PHF21A: variants seen among roughly 807,000 people sequenced by gnomAD.
PHF21A encodes PHD finger protein 21A, also known as BHC80a.
In PHF21A, 11 loss-of-function variants were observed where a neutral mutation model predicts 82.5. That is an observed-to-expected ratio of 0.13 (90% CI 0.08 to 0.22). PHF21A has a LOEUF of 0.22. Ranked by LOEUF, PHF21A falls within the 10% of genes least tolerant of loss-of-function variation. The pLI is 1.00. For missense variants in PHF21A, 579 were observed against 837.8 expected (o/e 0.69, Z 3.81); for synonymous variants, 297 against 302.8 (o/e 0.98, Z 0.20).
intron 1 of PHF21A, among the ~76,000 whole-genome samples, chr11:46,092,936 T>G (rs1429457194): frequency 6.6e-6 from 1 of 152,050 alleles, no homozygotes; most frequent in Non-Finnish European, 1.5e-5. Flanking sequence ...TTTATTTTTT[T>G]GTAGAGTCAG....
chr11:45,975,449 G>A (rs895645160), intron 7 of PHF21A, among the ~76,000 whole-genome samples: 4 of 151,838 alleles, frequency 2.6e-5, no homozygotes, highest in Admixed American at 6.6e-5. Flanking sequence ...TTATTACTAT[G>A]GGATCTAACT....
chr11:46,007,841 C>G (rs180750369), intron 6 of PHF21A, among the ~76,000 whole-genome samples: 1 of 152,086 alleles, frequency 6.6e-6, no homozygotes, highest in Non-Finnish European at 1.5e-5. Context: ...AATTTTAGAA[C>G]AAGGGACTTT....
chr11:46,049,933 T>G (rs1254820747), intron 6 of PHF21A, among the ~76,000 whole-genome samples: 3 of 152,254 alleles, frequency 2.0e-5, no homozygotes. Flanking sequence ...ATTTTAATTT[T>G]GTATATTTGT....
At chr11:46,050,272 T>G (rs7129942) in intron 6 of PHF21A, among the ~76,000 whole-genome samples, 137,371 of 152,326 alleles carry the variant, frequency 0.9, 62,109 homozygotes, top group East Asian at 1. Flanking sequence ...CATTCCAGTG[T>G]CCTTGCTCAC....
At chr11:46,107,199 G>A (rs937815983) in intron 1 of PHF21A, among the ~76,000 whole-genome samples, 2 of 152,148 alleles carry the variant, frequency 1.3e-5, no homozygotes, top group Non-Finnish European at 2.9e-5. Context: ...CACTAGTTTA[G>A]ACTATCATAC....
At chr11:45,959,653 A>G (rs766199955) in intron 10 of PHF21A, among the ~76,000 whole-genome samples, 1 of 152,244 alleles carries the variant, frequency 6.6e-6, no homozygotes, top group Non-Finnish European at 1.5e-5. Context: ...AGAATCCATA[A>G]AACAAATACT....
At chr11:46,027,706 C>T (rs774298482) in intron 6 of PHF21A, among the ~76,000 whole-genome samples, 5 of 152,186 alleles carry the variant, frequency 3.3e-5, no homozygotes, top group Non-Finnish European at 5.9e-5. Flanking sequence ...TATGAGAAGA[C>T]GCCTATTGTT....
chr11:45,978,321 AC>A (rs1335616406), intron 7 of PHF21A, among the ~76,000 whole-genome samples: 2 of 144,092 alleles, frequency 1.4e-5, no homozygotes, highest in African/African-American at 2.4e-5. Context: ...TAACAAAAAA[AC>A]AAACAAACAA....
chr11:45,998,407 T>C (rs954988676), intron 6 of PHF21A, among the ~76,000 whole-genome samples: 5 of 152,188 alleles, frequency 3.3e-5, no homozygotes, highest in Admixed American at 6.5e-5. Flanking sequence ...ACTGAGTATA[T>C]AGTATTGTAA....
chr11:46,099,512 T>C (rs1385986457), intron 1 of PHF21A, among the ~76,000 whole-genome samples: 10 of 110,408 alleles, frequency 9.1e-5, no homozygotes, highest in African/African-American at 2.8e-4. Context: ...TTTCAGGCTA[T>C]AGAAAAATTA....
intron 10 of PHF21A, among the ~76,000 whole-genome samples, chr11:45,961,091 T>C (rs1005159292): frequency 6.6e-6 from 1 of 152,224 alleles, no homozygotes; most frequent in Non-Finnish European, 1.5e-5. Context: ...GTTATACTCA[T>C]GTTCCCACTG....
At chr11:45,934,720 G>A (rs549333413) in intron 18 of PHF21A, 2 of 317,036 alleles carry the variant, frequency 6.3e-6, no homozygotes, top group South Asian at 2.8e-5. Flanking sequence ...GAGACGACAG[G>A]CCAGCAGCAT....
At chr11:46,003,355 G>C (rs1034807774) in intron 6 of PHF21A, among the ~76,000 whole-genome samples, 3 of 151,324 alleles carry the variant, frequency 2.0e-5, no homozygotes, top group Non-Finnish European at 2.9e-5. Context: ...GACTCTCTTC[G>C]GTGTTAATAC....
chr11:46,079,013 C>A lies in PHF21A; in HGVS notation c.87+121G>T, dbSNP rs993932819. 2.3e-5 allele frequency: 13 copies of A among 572,134 alleles called. No individual in the cohort carries two copies. In the Middle Eastern group the frequency reaches 1.9e-3, roughly 86 times the overall value. 35.4% of individuals were successfully genotyped at this position (572,134 alleles called of 1,614,324 possible). ...AAGATCAATGTATTAAAAATAATTG[C>A]TATTAGAAATGAAATAATTCTTAAA... On this transcript the variant is annotated intron_variant, in intron 5 of 18. Coordinates refer to ENST00000676320, the MANE Select transcript of PHF21A (RefSeq NM_001352027.3).
chr11:46,097,983 C>A (rs1487357962), intron 1 of PHF21A, among the ~76,000 whole-genome samples: 1 of 152,114 alleles, frequency 6.6e-6, no homozygotes, highest in Admixed American at 6.6e-5. Flanking sequence ...ACCCATAGAT[C>A]TGTATTTAAG....
rs1452859819 is a variant in PHF21A, at chr11:45,971,905, T to TTTTTTTTTTTTTA, written c.361-539_361-538insTAAAAAAAAAAAA. On this transcript the variant is annotated intron_variant, in intron 7 of 18. Coordinates refer to ENST00000676320, the MANE Select transcript of PHF21A (RefSeq NM_001352027.3). ...CTTTTTCTTTCTTTTTTTTTTTTTT[T>TTTTTTTTTTTTTA]ATGGTGTCACCCTGGAGAGAAGGAA... Among the ~76,000 whole-genome samples, 55 of 89,920 alleles carry TTTTTTTTTTTTTA rather than the reference T, an allele frequency of 6.1e-4. 11 individuals are homozygous for TTTTTTTTTTTTTA. Among genetic ancestry groups the TTTTTTTTTTTTTA allele is most frequent in the East Asian group, 5.2e-3 (7 of 1,336 alleles). The allele number at this position is 89,920 out of a possible 152,430, so 59.0% of individuals were successfully genotyped here.
At chr11:45,939,253 A>C (rs1416380575) in intron 15 of PHF21A, among the ~76,000 whole-genome samples, 1 of 152,234 alleles carries the variant, frequency 6.6e-6, no homozygotes, top group African/African-American at 2.4e-5. Context: ...ACATATCATA[A>C]ATCTTACAGG....
chr11:45,989,122 T>C (rs2094590380), intron 6 of PHF21A, among the ~76,000 whole-genome samples: 1 of 152,206 alleles, frequency 6.6e-6, no homozygotes, highest in Non-Finnish European at 1.5e-5. Context: ...ATTAACTTCA[T>C]GGAATTGGCT....
At chr11:45,934,959 C>A in intron 18 of PHF21A, 1 of 456,566 alleles carries the variant, frequency 2.2e-6, no homozygotes, top group Non-Finnish European at 4.2e-6. Context: ...AAGTACAAGG[C>A]ACCACCTGGT....
Sources: gnomAD v4.1 joint callset for allele counts (sites outside exome capture counted in the v4.1 genomes callset) on GRCh38, gnomAD v4.1.1 for gene constraint, MANE v1.5 for transcripts, NCBI Gene and HGNC (gene_info 2026-07-23, HGNC 2026-07-21) for gene names.